The following HK3 variants were observed in gnomAD, a reference collection of about 807,000 sequenced individuals.
The protein encoded by HK3 is hexokinase-3.
HK3 carries 93 observed loss-of-function variants against 91.0 expected under a neutral mutation model. That is an observed-to-expected ratio of 1.02 (90% CI 0.86 to 1.21). HK3 has a LOEUF of 1.21. HK3 is among the 50% of genes most tolerant of loss of function. The pLI, the probability that HK3 is intolerant of heterozygous loss-of-function variation, is 0.00. For synonymous variants in HK3, 519 were observed against 516.9 expected (o/e 1.00, Z -0.06); for missense variants, 1,235 against 1,247.4 (o/e 0.99, Z 0.15).
chr5:176,896,287 G>A, intron 1 of HK3, 102 bp from the exon 2 acceptor site: 1 of 535,978 alleles, frequency 1.9e-6, no homozygotes, highest in Non-Finnish European at 3.3e-6. Context: ...GACCAGGAAG[G>A]AAGCTGGGAG....
chr5:176,891,262 T>G (rs761145726), intron 3 of HK3, 71 bp from the exon 4 acceptor site: 3 of 1,612,214 alleles, frequency 1.9e-6, no homozygotes, highest in Non-Finnish European at 2.5e-6. Context: ...CTTCCCAAAT[T>G]CCTAAGGCCT....
intron 2 of HK3, among the ~76,000 whole-genome samples, chr5:176,894,511 C>A (rs527571501): frequency 6.6e-6 from 1 of 152,300 alleles, no homozygotes; most frequent in East Asian, 1.9e-4. Flanking sequence ...TAGAGCCAGT[C>A]CTGGCTGGGC....
Position 176,889,271 on chromosome 5 carries a change from GA to G in HK3, c.914+109del, listed in dbSNP as rs1355915304. On this transcript the variant is annotated intron_variant, in intron 8 of 18. Coordinates refer to ENST00000292432, the MANE Select transcript of HK3 (RefSeq NM_002115.3). ...CCAGGTTGCTCCCTGGAGACCCTCAGAGTGACAGGGAGGGGCCTAAGGGCCT... is the reference window on the plus strand; with the variant it reads ...CCAGGTTGCTCCCTGGAGACCCTCAGGTGACAGGGAGGGGCCTAAGGGCCT... 3.2e-6 allele frequency: 4 copies of G among 1,247,992 alleles called. No individual in the cohort carries two copies. The African/African-American group carries it at 4.5e-5, about 14-fold the overall frequency. 77.3% of individuals were successfully genotyped at this position (1,247,992 alleles called of 1,614,324 possible).
At position 176,883,854 on chromosome 5, in the gene HK3, C is replaced by G; in HGVS notation, c.1969G>C (p.Val657Leu). 6.2e-7 allele frequency: 1 copy of G among 1,614,118 alleles called. No homozygotes were observed. The highest frequency in any genetic ancestry group is 2.2e-5 in the East Asian group (1 of 44,884). ...ACCGTGTCATTGACAATGGCAACCA[C>G]ATTCAGCTCCACTGCCTGCACACAA... ...ITRRQAVELN[V>L]VAIVNDTVGT... is the part of the protein sequence containing the mutation. Residue 657 changes from valine to leucine, a missense_variant, in exon 15 of 19, where the codon GTG becomes CTG. Physicochemically the swap from Val to Leu is conservative, Grantham distance 32. Coordinates refer to ENST00000292432, the MANE Select transcript of HK3 (RefSeq NM_002115.3).
intron 6 of HK3, 126 bp downstream of exon 6, chr5:176,890,509 G>A (rs927875041): frequency 2.5e-6 from 2 of 796,178 alleles, no homozygotes; most frequent in East Asian, 2.4e-5. Context: ...ACTGGATGGA[G>A]GTTAAACTGG....
In HK3 at chr5:176,882,554, A is replaced by G. The variant is rs930359239; in HGVS notation, c.2054-427T>C. ...AGCAGGGGACACAGAGAAATCAGAG[A>G]CGAGGAGCCCCACAGTCTGGCCAGA... On this transcript the variant is annotated intron_variant, in intron 15 of 18. Transcript: ENST00000292432. Among the ~76,000 whole-genome samples, 11 of 152,162 alleles carry G rather than the reference A, an allele frequency of 7.2e-5. No homozygotes were observed. The East Asian group carries it at 1.5e-3, about 21-fold the overall frequency.
chr5:176,883,789 G>C lies in HK3; in HGVS notation c.2034C>G (p.Cys678Trp), dbSNP rs140261586. ...MMSCGYEDPR[C>W]EIGLIVGTGT... is the part of the protein sequence containing the mutation. ...CCTCACCGACAATGAGGCCTATCTC[G>C]CAACGGGGGTCCTCATAGCCACAGG... Residue 678 changes from cysteine (C) to tryptophan (W), a missense_variant, in exon 15 of 19, where the codon TGC becomes TGG. By Grantham distance (215) the Cys-to-Trp change is radical. Around this residue, in one of 3 missense-constraint regions of HK3, gnomAD observed 513 missense variants for 477.4 expected, o/e 1.07. Transcript: ENST00000292432. 2 of 1,613,662 alleles carry C rather than the reference G, an allele frequency of 1.2e-6. No individual in the cohort carries two copies. The highest frequency in any genetic ancestry group is 1.3e-5 in the African/African-American group (1 of 74,900).
chr5:176,897,293 G>A (rs557080809), intron 1 of HK3, among the ~76,000 whole-genome samples: 1 of 152,264 alleles, frequency 6.6e-6, no homozygotes, highest in South Asian at 2.1e-4. Context: ...TCGCTCATCC[G>A]AGCTGGAGGT....
At chr5:176,894,236 G>T (rs554493329) in intron 2 of HK3, among the ~76,000 whole-genome samples, 1 of 152,176 alleles carries the variant, frequency 6.6e-6, no homozygotes, top group Non-Finnish European at 1.5e-5. Flanking sequence ...GGGCCTCTGA[G>T]ATGGTACTGG....
At chr5:176,890,352 T>C (rs1581299645) in intron 6 of HK3, among the ~76,000 whole-genome samples, 1 of 152,354 alleles carries the variant, frequency 6.6e-6, no homozygotes, top group South Asian at 2.1e-4. Flanking sequence ...CTTCCCCATC[T>C]AGACTGTGAA....
chr5:176,883,927 A>C (rs1389027186), intron 14 of HK3, 58 bp from the exon 15 acceptor site: 2 of 1,592,662 alleles, frequency 1.3e-6, no homozygotes, highest in South Asian at 2.2e-5. Flanking sequence ...AGCAACCAGC[A>C]CTGGACCCAG....
At chr5:176,885,999 G>A (rs1483549777) in intron 13 of HK3, among the ~76,000 whole-genome samples, 2 of 152,020 alleles carry the variant, frequency 1.3e-5, no homozygotes, top group Non-Finnish European at 2.9e-5. Flanking sequence ...AACTTTGAGA[G>A]GCTGAGGTGA....
In HK3 at chr5:176,881,695, T is replaced by C. The variant is rs369242166; in HGVS notation, c.2390A>G (p.Glu797Gly). 6.2e-7 allele frequency: 1 copy of C among 1,614,078 alleles called. No homozygotes were observed. The highest frequency in any genetic ancestry group is 1.1e-5 in the South Asian group (1 of 91,090). The change falls in exon 17 of 19, where the codon GAA becomes GGA. Residue 797 changes from glutamate to glycine, a missense_variant. Glu to Gly is a moderately conservative substitution (Grantham distance 98). Transcript: ENST00000292432. ...IFKTKFLSEI[E>G]SDSLALRQVR... ...AGGCAATGTAGGCCTCAGGCACCTT[T>C]CGATCTCAGAGAGGAACTTGGTCTT...
In HK3 at chr5:176,891,418, T is replaced by A. The variant is rs1199768606; in HGVS notation, c.229A>T (p.Thr77Ser). 6 of 1,613,722 alleles carry A rather than the reference T, an allele frequency of 3.7e-6. No homozygotes were observed. Among genetic ancestry groups the A allele is most frequent in the Non-Finnish European group, 8.5e-7 (1 of 1,179,906 alleles). The change falls in exon 3 of 19, where the codon ACA (threonine) becomes TCA (serine). Residue 77 changes from threonine (T) to serine (S), a missense_variant. Physicochemically the swap from Thr to Ser is moderately conservative, Grantham distance 58. Coordinates refer to ENST00000292432, the MANE Select transcript of HK3 (RefSeq NM_002115.3). ...SPAPAVRMLPTYVGSTPHGTE... is the reference protein window; with the variant it reads ...SPAPAVRMLPSYVGSTPHGTE... ...CCATGTGGGGTGGACCCCACGTATG[T>A]AGGCAGCATCCGGACCGCAGGGGCA... is the stretch of plus-strand genomic sequence containing the variant.
intron 14 of HK3, 53 bp from the exon 15 acceptor site, chr5:176,883,922 C>T (rs1169475705): frequency 6.3e-7 from 1 of 1,594,482 alleles, no homozygotes; most frequent in Admixed American, 1.7e-5. Flanking sequence ...GTCACAGCAA[C>T]CAGCACTGGA....
intron 3 of HK3, 24 bp downstream of exon 3, chr5:176,891,364 C>T (rs368952223): frequency 3.4e-5 from 55 of 1,609,478 alleles, no homozygotes; most frequent in African/African-American, 2.0e-4. Flanking sequence ...GGCCTGGCCA[C>T]GCATCTCAAT....
In HK3 at chr5:176,887,408, C is replaced by G; in HGVS notation, c.1600+43G>C. 3 of 1,612,776 alleles carry G rather than the reference C, an allele frequency of 1.9e-6. No individual in the cohort carries two copies. Among genetic ancestry groups the G allele is most frequent in the Non-Finnish European group, 2.5e-6 (3 of 1,179,410 alleles). Reference sequence around the variant, plus strand: ...CAGCCCCAGCACACACTGGGACCCCCAGGAGCCCATGTTTCGGTCCCACAC... The same window carrying G: ...CAGCCCCAGCACACACTGGGACCCCGAGGAGCCCATGTTTCGGTCCCACAC... On this transcript the variant is annotated intron_variant, in intron 11 of 18. Coordinates refer to ENST00000292432, the MANE Select transcript of HK3 (RefSeq NM_002115.3). The surrounding 1 kb of genome is among the most constrained non-coding windows in gnomAD (Gnocchi z 4.9).
At chr5:176,895,193 C>T (rs1455206909) in intron 2 of HK3, among the ~76,000 whole-genome samples, 2 of 151,894 alleles carry the variant, frequency 1.3e-5, no homozygotes, top group Non-Finnish European at 2.9e-5. Flanking sequence ...ATTCTCCTGC[C>T]TCAGCCTCCC....
chr5:176,891,647 C>T, intron 2 of HK3, 97 bp from the exon 3 acceptor site: 1 of 1,225,590 alleles, frequency 8.2e-7, no homozygotes, highest in Non-Finnish European at 1.1e-6. Flanking sequence ...GCCCAGCCCA[C>T]TCCTCGGCTC....
Sources: allele counts gnomAD v4.1 joint callset (sites outside exome capture counted in the v4.1 genomes callset), GRCh38; gene constraint gnomAD v4.1.1; regional missense constraint gnomAD v4.1.1; non-coding constraint Gnocchi (gnomAD v3.1); transcripts MANE v1.5; gene names NCBI Gene and HGNC (gene_info 2026-07-23, HGNC 2026-07-21).